The following AP1AR variants were observed in gnomAD, a reference collection of about 807,000 sequenced individuals.
AP1AR encodes adaptor related protein complex 1 associated regulatory protein.
AP1AR carries 29 observed loss-of-function variants against 46.3 expected under a neutral mutation model. The ratio of observed to expected loss-of-function variants is 0.63; its 90% CI spans 0.47 to 0.85. AP1AR has a LOEUF of 0.85. AP1AR is among the 40% of genes least tolerant of loss of function. AP1AR has a pLI of 0.00. For synonymous variants in AP1AR, 122 were observed against 122.9 expected (o/e 0.99, Z 0.05); for missense variants, 357 against 356.3 (o/e 1.00, Z -0.02).
intron 1 of AP1AR, among the ~76,000 whole-genome samples, chr4:112,236,255 ACT>A (rs1174405976): frequency 6.6e-6 from 1 of 151,124 alleles, no homozygotes; most frequent in African/African-American, 2.4e-5. Flanking sequence ...CTTCCAGACT[ACT>A]CTCTCTATTG....
intron 1 of AP1AR, among the ~76,000 whole-genome samples, chr4:112,234,824 TA>T (rs1725173003): frequency 6.6e-6 from 1 of 152,222 alleles, no homozygotes; most frequent in Non-Finnish European, 1.5e-5. Flanking sequence ...TCAACTTTTT[TA>T]GCTTGATTTA....
intron 2 of AP1AR, among the ~76,000 whole-genome samples, 191 bp from the exon 3 acceptor site, chr4:112,254,556 T>G (rs1726099213): frequency 6.6e-6 from 1 of 152,222 alleles, no homozygotes. Context: ...AAATAGTATA[T>G]GCTTGTCTTG....
chr4:112,238,689 A>G (rs1000153271), intron 1 of AP1AR, among the ~76,000 whole-genome samples: 1 of 152,142 alleles, frequency 6.6e-6, no homozygotes, highest in East Asian at 1.9e-4. Flanking sequence ...ATTTTTCCCT[A>G]ATACATTTTT....
At chr4:112,255,109 G>A (rs1316319032) in intron 3 of AP1AR, among the ~76,000 whole-genome samples, 2 of 151,726 alleles carry the variant, frequency 1.3e-5, no homozygotes, top group African/African-American at 2.4e-5. Flanking sequence ...ACAGGCGCCC[G>A]CCACTACGCC....
In AP1AR at chr4:112,270,399, T is replaced by C. The variant is rs1343004155; in HGVS notation, c.*1990T>C. On this transcript the variant is annotated 3_prime_UTR_variant, in exon 10 of 10. Coordinates refer to ENST00000274000, the MANE Select transcript of AP1AR (RefSeq NM_018569.6). ...AGAGACAATAATAAGTAAACATACA[T>C]GCAAGAAAATCACAGGTCACAGTTA... Among the ~76,000 whole-genome samples the C allele has an allele frequency of 6.6e-6, 1 of 152,130 alleles. No homozygotes were observed. Among genetic ancestry groups the C allele is most frequent in the African/African-American group, 2.4e-5 (1 of 41,434 alleles).
chr4:112,245,063 G>T (rs771603900), intron 1 of AP1AR, among the ~76,000 whole-genome samples: 1 of 151,904 alleles, frequency 6.6e-6, no homozygotes, highest in Admixed American at 6.5e-5. Flanking sequence ...AAAAAAGTAG[G>T]GTGGCTATTC....
intron 2 of AP1AR, among the ~76,000 whole-genome samples, chr4:112,254,000 C>CT (rs1334290757): frequency 6.6e-5 from 10 of 152,024 alleles, no homozygotes; most frequent in Admixed American, 4.6e-4. Context: ...CAGTTTTATT[C>CT]TTTTTTCAGA....
At chr4:112,246,087 C>T (rs1725715032) in intron 1 of AP1AR, among the ~76,000 whole-genome samples, 1 of 152,120 alleles carries the variant, frequency 6.6e-6, no homozygotes. Flanking sequence ...ACGTCTAAAA[C>T]TTCATTCTTG....
intron 4 of AP1AR, among the ~76,000 whole-genome samples, chr4:112,260,522 G>A (rs1291398408): frequency 6.6e-6 from 1 of 152,188 alleles, no homozygotes; most frequent in East Asian, 1.9e-4. Flanking sequence ...TTTCTTAAAA[G>A]GTAGCTGTAA....
At chr4:112,244,562 A>C (rs1725643418) in intron 1 of AP1AR, among the ~76,000 whole-genome samples, 1 of 152,168 alleles carries the variant, frequency 6.6e-6, no homozygotes, top group South Asian at 2.1e-4. Context: ...CTAAATACCT[A>C]TATTGGAGGG....
chr4:112,232,822 T>C (rs747040043), intron 1 of AP1AR, among the ~76,000 whole-genome samples: 15 of 152,210 alleles, frequency 9.9e-5, no homozygotes, highest in Non-Finnish European at 1.9e-4. Flanking sequence ...CTTGCCCTGA[T>C]TGCTACTCAA....
At chr4:112,267,855 C>T (rs917521945) in intron 9 of AP1AR, among the ~76,000 whole-genome samples, 1 of 151,922 alleles carries the variant, frequency 6.6e-6, no homozygotes, top group South Asian at 2.1e-4. Context: ...TTGAAATCCT[C>T]CATCCATTCT....
At chr4:112,265,586 A>T in intron 7 of AP1AR, 148 bp from the exon 8 acceptor site, 1 of 558,926 alleles carries the variant, frequency 1.8e-6, no homozygotes, top group Non-Finnish European at 3.1e-6. Context: ...AAAATTAAGA[A>T]CTATTTTCAT....
At chr4:112,256,972 G>A (rs1266030725) in intron 3 of AP1AR, among the ~76,000 whole-genome samples, 1 of 152,156 alleles carries the variant, frequency 6.6e-6, no homozygotes, top group Non-Finnish European at 1.5e-5. Context: ...GTAAGACACT[G>A]TATTAAACAC....
At chr4:112,233,367 C>G (rs1202176281) in intron 1 of AP1AR, among the ~76,000 whole-genome samples, 1 of 152,302 alleles carries the variant, frequency 6.6e-6, no homozygotes, top group Admixed American at 6.5e-5. Context: ...TGTAATATTT[C>G]GATTTCCCTA....
At chr4:112,257,738 A>G (rs1560610200) in intron 3 of AP1AR, 34 bp from the exon 4 acceptor site, 1 of 1,518,432 alleles carries the variant, frequency 6.6e-7, no homozygotes. Context: ...TAGCTAATGA[A>G]TTTGTTTTAA....
At chr4:112,238,244 A>G (rs1725337767) in intron 1 of AP1AR, among the ~76,000 whole-genome samples, 1 of 152,256 alleles carries the variant, frequency 6.6e-6, no homozygotes, top group South Asian at 2.1e-4. Flanking sequence ...ATGAACAGCC[A>G]GAAGAGTTAT....
intron 1 of AP1AR, among the ~76,000 whole-genome samples, chr4:112,237,813 C>T (rs1295019166): frequency 6.6e-6 from 1 of 152,054 alleles, no homozygotes; most frequent in Non-Finnish European, 1.5e-5. Flanking sequence ...TTACCTTTAC[C>T]TTACCTTACT....
rs1205827119 is a variant in AP1AR at position 112,272,847 on chromosome 4, C to T, written c.*4438C>T. The T allele has an allele frequency of 6.6e-6, 1 of 151,770 alleles. No homozygotes were observed. The highest frequency in any genetic ancestry group is 1.9e-4 in the East Asian group (1 of 5,180). The allele number at this position is 151,770 out of a possible 1,614,324, so 9.4% of individuals were successfully genotyped here. A position where few individuals can be genotyped will look rare whatever the true frequency, so the allele number is the denominator to read the frequency against. ...TTTGGAATTATGCCCGCTTTTTTTTCAATAGATAAATATATTTTTCTAGCA... is the reference window on the plus strand; with the variant it reads ...TTTGGAATTATGCCCGCTTTTTTTTTAATAGATAAATATATTTTTCTAGCA... On this transcript the variant is annotated 3_prime_UTR_variant, in exon 10 of 10. Transcript: ENST00000274000.
Sources: allele counts gnomAD v4.1 joint callset (sites outside exome capture counted in the v4.1 genomes callset), GRCh38; gene constraint gnomAD v4.1.1; transcripts MANE v1.5; gene names NCBI Gene and HGNC (gene_info 2026-07-23, HGNC 2026-07-21).